Variants in FIGNL2 observed in about 807,000 individuals in gnomAD.
FIGNL2 encodes the protein fidgetin like 2, also known as fidgetin-like protein 2.
For missense variants in FIGNL2, 1,060 were observed against 950.2 expected, an observed-to-expected ratio of 1.12 and a Z score of -1.52; for synonymous variants, 565 against 484.0, an observed-to-expected ratio of 1.17 and a Z score of -2.20.
rs1939164351 is a variant in FIGNL2 at position 51,820,967 on chromosome 12, G to C, written c.1447C>G (p.Arg483Gly). The stretch of plus-strand genomic sequence containing the variant: ...CTGATGAGGAGTACGGAGGGTGGGC[G>C]GCAGCGCGCGGCCGCGAAGGCGGCC... ...LQAAFAAARC[R>G]PPSVLLISEL... is the part of the protein sequence containing the mutation. Residue 483 changes from arginine to glycine, a missense_variant, in exon 2 of 2, where the codon CGC becomes GGC. Arg to Gly is a moderately radical substitution (Grantham distance 125). Transcript: ENST00000618634. 1 of 1,221,978 alleles carries C rather than the reference G, an allele frequency of 8.2e-7. No homozygotes were observed. The highest frequency in any genetic ancestry group is 1.0e-6 in the Non-Finnish European group (1 of 983,568). The allele number at this position is 1,221,978 out of a possible 1,614,324, so 75.7% of individuals were successfully genotyped here.
At chr12:51,826,071 C>A (rs1189482638) in intron 1 of FIGNL2, 1 of 152,200 alleles carries the variant, frequency 6.6e-6, no homozygotes, top group Non-Finnish European at 1.5e-5. Flanking sequence ...CCTCTTTTTA[C>A]CTTTATCTAC....
At chr12:51,837,080 A>C (rs58982469) in intron 1 of FIGNL2, among the ~76,000 whole-genome samples, 19,853 of 152,080 alleles carry the variant, frequency 0.13, 1,396 homozygotes, top group South Asian at 0.29. Flanking sequence ...GGGAGGGGAC[A>C]CAGCAGGAGG....
chr12:51,821,407 G>A lies in FIGNL2; in HGVS notation c.1007C>T (p.Pro336Leu). ...GGVPLKVLGS[P>L]VYGPQLEPFE... ...GGGCTCCAGTTGCGGGCCGTAGACG[G>A]GGGAGCCCAGGACCTTGAGGGGGAC... is the stretch of plus-strand genomic sequence containing the variant. Residue 336 changes from proline (P) to leucine (L), a missense_variant, in exon 2 of 2, where the codon CCC becomes CTC. Transcript: ENST00000618634. The A allele has an allele frequency of 6.5e-7, 1 of 1,530,864 alleles. No homozygotes were observed. The highest frequency in any genetic ancestry group is 8.8e-7 in the Non-Finnish European group (1 of 1,141,408). 94.8% of individuals were successfully genotyped at this position (1,530,864 alleles called of 1,614,324 possible).
chr12:51,821,926 C>G lies in FIGNL2; in HGVS notation c.488G>C (p.Gly163Ala). ...GTAACCCGGCGCCAGGTACCCCCCGCCGTAGCCGGCCGCGTACTCGGGCGC... is the reference window on the plus strand; with the variant it reads ...GTAACCCGGCGCCAGGTACCCCCCGGCGTAGCCGGCCGCGTACTCGGGCGC... ...SAAPEYAAGY[G>A]GGYLAPGYCA... Residue 163 changes from glycine to alanine, a missense_variant, in exon 2 of 2, where the codon GGC (glycine) becomes GCC (alanine). Coordinates refer to ENST00000618634, the MANE Select transcript of FIGNL2 (RefSeq NM_001384995.1). 6.6e-7 allele frequency: 1 copy of G among 1,506,576 alleles called. No homozygotes were observed. The highest frequency in any genetic ancestry group is 8.9e-7 in the Non-Finnish European group (1 of 1,129,326). The allele number at this position is 1,506,576 out of a possible 1,614,324, so 93.3% of individuals were successfully genotyped here.
At position 51,821,664 on chromosome 12, in the gene FIGNL2, A is replaced by G. The variant is rs1939200980; in HGVS notation, c.750T>C (p.Tyr250=). The change falls in exon 2 of 2, where the codon TAT becomes TAC. Residue 250 remains tyrosine, a synonymous_variant. Coordinates refer to ENST00000618634, the MANE Select transcript of FIGNL2 (RefSeq NM_001384995.1). ...CACCCGGCGCGGCCGTGGGGAAGCC[A>G]TAGGCGGTGGGCGGTGCCGGCGCGG... is the stretch of plus-strand genomic sequence containing the variant. The part of the protein sequence containing the change: ...PLPAPAPPTA[Y]GFPTAAPGAE... 2.1e-6 allele frequency: 3 copies of G among 1,429,818 alleles called. No individual in the cohort carries two copies. Among genetic ancestry groups the G allele is most frequent in the East Asian group, 6.0e-5 (2 of 33,238 alleles). 88.6% of individuals were successfully genotyped at this position (1,429,818 alleles called of 1,614,324 possible).
chr12:51,845,635 C>A, intron 1 of FIGNL2: 1 of 985,374 alleles, frequency 1.0e-6, no homozygotes, highest in Non-Finnish European at 1.2e-6. Flanking sequence ...ACCGCCAAGT[C>A]CAGGAGAGGC....
In FIGNL2 at chr12:51,822,313, A is replaced by G. The variant is rs1431382962; in HGVS notation, c.101T>C (p.Leu34Ser). 1.9e-6 allele frequency: 3 copies of G among 1,612,594 alleles called. No individual in the cohort carries two copies. The East Asian group carries it at 6.7e-5, about 36-fold the overall frequency. Residue 34 changes from leucine (L) to serine (S), a missense_variant, in exon 2 of 2, where the codon TTG becomes TCG. By Grantham distance (145) the Leu-to-Ser change is moderately radical. Transcript: ENST00000618634. ...GCAGCGTTGGCGACCCCCAGGGGGC[A>G]ACTCCAACTTGTGGGCCGGCGACGG... is the stretch of plus-strand genomic sequence containing the variant. ...TTPSPAHKLE[L>S]PPGGRQRCHY...
At position 51,822,143 on chromosome 12, in the gene FIGNL2, C is replaced by T. The variant is rs1374988287; in HGVS notation, c.271G>A (p.Gly91Ser). 3.1e-6 allele frequency: 5 copies of T among 1,611,140 alleles called. No individual in the cohort carries two copies. Among genetic ancestry groups the T allele is most frequent in the East Asian group, 4.5e-5 (2 of 44,752 alleles). Reference sequence around the variant, plus strand: ...CAGGGCTCGGGATCCCCTTTGGCGCCGTTGAGGAAGGAGGCGTCGCTGTAC... The same window carrying T: ...CAGGGCTCGGGATCCCCTTTGGCGCTGTTGAGGAAGGAGGCGTCGCTGTAC... ...GGYSDASFLN[G>S]AKGDPEPWPG... The change falls in exon 2 of 2, where the codon GGC (glycine) becomes AGC (serine). Residue 91 changes from glycine to serine, a missense_variant. Transcript: ENST00000618634.
intron 1 of FIGNL2, among the ~76,000 whole-genome samples, chr12:51,834,090 C>CGGATGGGTGGATGGATGGTTGGATGGAT (rs1565946355): frequency 3.0e-5 from 4 of 132,684 alleles, no homozygotes; most frequent in African/African-American, 1.2e-4. Context: ...GACAGACAGA[C>CGGATGGGTGGATGGATGGTTGGATGGAT]GGATGGGTGG....
rs1403165002 is a variant in FIGNL2, at chr12:51,821,593, G to A, written c.821C>T (p.Pro274Leu). ...CGCGTACTTGCGGTAGCGGCCCTCG[G>A]GCCCCTCGTCGGCGGCCTTGCGCTT... is the stretch of plus-strand genomic sequence containing the variant. The part of the protein sequence containing the change: ...SLKRKAADEG[P>L]EGRYRKYAYE... The change falls in exon 2 of 2, where the codon CCC becomes CTC. Residue 274 changes from proline (P) to leucine (L), a missense_variant. Physicochemically the swap from Pro to Leu is moderately conservative, Grantham distance 98. Transcript: ENST00000618634. 6.6e-7 allele frequency: 1 copy of A among 1,510,758 alleles called. No individual in the cohort carries two copies. 93.6% of individuals were successfully genotyped at this position (1,510,758 alleles called of 1,614,324 possible).
chr12:51,820,904 C>T lies in FIGNL2; in HGVS notation c.1510G>A (p.Ala504Thr), dbSNP rs1331683653. Reference protein sequence around the residue: ...EALLPARDDGAAAGGALQVPL... With the variant: ...EALLPARDDGTAAGGALQVPL... Reference sequence around the variant, plus strand: ...ACCTGCAGCGCGCCCCCTGCCGCCGCGCCGTCGTCCCGGGCGGGGAGCAGC... The same window carrying T: ...ACCTGCAGCGCGCCCCCTGCCGCCGTGCCGTCGTCCCGGGCGGGGAGCAGC... The change falls in exon 2 of 2, where the codon GCG becomes ACG. Residue 504 changes from alanine (A) to threonine (T), a missense_variant. Ala to Thr is a moderately conservative substitution (Grantham distance 58). Coordinates refer to ENST00000618634, the MANE Select transcript of FIGNL2 (RefSeq NM_001384995.1). 22 of 1,335,462 alleles carry T rather than the reference C, an allele frequency of 1.6e-5. No homozygotes were observed. The African/African-American group carries it at 2.8e-4, about 17-fold the overall frequency. The allele number at this position is 1,335,462 out of a possible 1,614,324, so 82.7% of individuals were successfully genotyped here. A position where few individuals can be genotyped will look rare whatever the true frequency, so the allele number is the denominator to read the frequency against.
chr12:51,835,244 C>G (rs1939561003), intron 1 of FIGNL2: 1 of 151,068 alleles, frequency 6.6e-6, no homozygotes, highest in Non-Finnish European at 1.5e-5. Flanking sequence ...AAGTCTAGAG[C>G]TCCCTGCAGC....
chr12:51,820,347 C>G lies in FIGNL2; in HGVS notation c.*105G>C. 7.0e-7 allele frequency: 1 copy of G among 1,422,194 alleles called. No homozygotes were observed. The highest frequency in any genetic ancestry group is 9.3e-7 in the Non-Finnish European group (1 of 1,072,392). The allele number at this position is 1,422,194 out of a possible 1,614,324, so 88.1% of individuals were successfully genotyped here. On this transcript the variant is annotated 3_prime_UTR_variant, in exon 2 of 2. Transcript: ENST00000618634. ...CCCCTCCTGTCCCCGATCCCACATTCACCACTCCAGCCCCTGCCAGCCGGG... is the reference window on the plus strand; with the variant it reads ...CCCCTCCTGTCCCCGATCCCACATTGACCACTCCAGCCCCTGCCAGCCGGG...
intron 1 of FIGNL2, chr12:51,824,047 G>C (rs781518660): frequency 6.6e-6 from 1 of 152,216 alleles, no homozygotes; most frequent in Non-Finnish European, 1.5e-5. Flanking sequence ...CAAAGGTGCA[G>C]GGCACAGTGC....
chr12:51,839,048 C>T (rs1279800760), intron 1 of FIGNL2, among the ~76,000 whole-genome samples: 1 of 152,122 alleles, frequency 6.6e-6, no homozygotes, highest in Non-Finnish European at 1.5e-5. Flanking sequence ...GGAGGAGCAC[C>T]AGGGCCCTCC....
At chr12:51,832,338 C>A (rs1371668048) in intron 1 of FIGNL2, among the ~76,000 whole-genome samples, 1 of 152,016 alleles carries the variant, frequency 6.6e-6, no homozygotes, top group Non-Finnish European at 1.5e-5. Context: ...TCTGAATCCC[C>A]CTTCAGCTAC....
intron 1 of FIGNL2, chr12:51,847,673 G>A (rs1308623388): frequency 4.1e-6 from 4 of 985,312 alleles, no homozygotes; most frequent in Admixed American, 6.1e-5. Flanking sequence ...CTCTGGCGGG[G>A]GCAGGGGGAC....
In FIGNL2 at chr12:51,842,031, G is replaced by A. The variant is rs1939671442; in HGVS notation, c.-12+6509C>T. 2.6e-5 allele frequency: 4 copies of A among 152,364 alleles called. No homozygotes were observed. In the South Asian group the frequency reaches 8.3e-4, roughly 32 times the overall value. The allele number at this position is 152,364 out of a possible 1,614,324, so 9.4% of individuals were successfully genotyped here. Reference sequence around the variant, plus strand: ...GCCTTTCCCGGGAGGGGCACTGCTGGGCAGGTGGAAGGGCTCTCCCCTCCT... The same window carrying A: ...GCCTTTCCCGGGAGGGGCACTGCTGAGCAGGTGGAAGGGCTCTCCCCTCCT... On this transcript the variant is annotated intron_variant, in intron 1 of 1. Transcript: ENST00000618634.
At position 51,822,199 on chromosome 12, in the gene FIGNL2, T is replaced by C. The variant is rs1185172882; in HGVS notation, c.215A>G (p.Asp72Gly). 1 of 1,611,954 alleles carries C rather than the reference T, an allele frequency of 6.2e-7. No homozygotes were observed. ...CAGGGCCGGACGCTCGTAGGGAGAATCCAAGACCCCAGAGTACTTCTCTGC... is the reference window on the plus strand; with the variant it reads ...CAGGGCCGGACGCTCGTAGGGAGAACCCAAGACCCCAGAGTACTTCTCTGC... ...RYAEKYSGVL[D>G]SPYERPALGG... The change falls in exon 2 of 2, where the codon GAT becomes GGT. Residue 72 changes from aspartate (D) to glycine (G), a missense_variant. Transcript: ENST00000618634.
Sources: allele counts gnomAD v4.1 joint callset (sites outside exome capture counted in the v4.1 genomes callset), GRCh38; gene constraint gnomAD v4.1.1; transcripts MANE v1.5; gene names NCBI Gene and HGNC (gene_info 2026-07-23, HGNC 2026-07-21).